IL1RAPL2: variants seen among roughly 807,000 people sequenced by gnomAD.
IL1RAPL2 encodes interleukin 1 receptor accessory protein like 2.
Under a neutral mutation model 44.1 loss-of-function variants are expected in IL1RAPL2, and 3 were observed. That is an observed-to-expected ratio of 0.07 (90% CI 0.03 to 0.18). IL1RAPL2 has a LOEUF of 0.18. Ranked by LOEUF, IL1RAPL2 falls within the 10% of genes least tolerant of loss-of-function variation. The pLI is 1.00. For synonymous variants in IL1RAPL2, 181 were observed against 178.8 expected, an observed-to-expected ratio of 1.01 and a Z score of -0.10; for missense variants, 391 against 496.4, an observed-to-expected ratio of 0.79 and a Z score of 2.02.
intron 2 of IL1RAPL2, among the ~76,000 whole-genome samples, chrX:104,970,241 A>C (rs2030207245): frequency 8.9e-6 from 1 of 112,176 alleles, no homozygotes; most frequent in Admixed American, 9.4e-5. Context: ...CTAAATAGTG[A>C]AAATAAATGA....
At position 105,155,546 on chromosome X, in the gene IL1RAPL2, T is replaced by G. The variant is rs769815410; in HGVS notation, c.83-39929T>G. 8.4e-4 allele frequency among the ~76,000 whole-genome samples: 93 copies of G among 110,695 alleles called. 1 individual carries two copies. The Middle Eastern group carries it at 0.033, about 39-fold the overall frequency. On this transcript the variant is annotated intron_variant, in intron 2 of 10. Transcript: ENST00000372582. ...ATCCTTGGATACCAGGCAAAGGAAT[T>G]TAAAATGTATCATGTAGAAAATGGG...
At chrX:104,667,064 G>T (rs920589930) in intron 2 of IL1RAPL2, among the ~76,000 whole-genome samples, 1 of 110,703 alleles carries the variant, frequency 9.0e-6, no homozygotes, top group African/African-American at 3.3e-5. Context: ...GAAGAGTCAG[G>T]CCCTGCCTCT....
At chrX:104,635,311 A>G (rs949164389) in intron 1 of IL1RAPL2, among the ~76,000 whole-genome samples, 16 of 109,710 alleles carry the variant, frequency 1.5e-4, no homozygotes, top group Non-Finnish European at 3.0e-4. Flanking sequence ...GAATCTGACA[A>G]TTTTGTGTCT....
chrX:105,605,445 G>A (rs768513274), intron 6 of IL1RAPL2, among the ~76,000 whole-genome samples: 11 of 111,337 alleles, frequency 9.9e-5, no homozygotes, highest in Admixed American at 2.9e-4. Flanking sequence ...GAATGAAATC[G>A]AAGAATACAC....
intron 6 of IL1RAPL2, among the ~76,000 whole-genome samples, chrX:105,714,066 C>T (rs1433603774): frequency 9.0e-6 from 1 of 111,357 alleles, no homozygotes; most frequent in Non-Finnish European, 1.9e-5. Context: ...TCCATAAGCC[C>T]TGGACACAGA....
chrX:105,427,431 A>G (rs1194024653), intron 5 of IL1RAPL2, among the ~76,000 whole-genome samples: 1 of 111,799 alleles, frequency 8.9e-6, no homozygotes, highest in Admixed American at 9.5e-5. Flanking sequence ...GAACTACCCC[A>G]TATATTTTAT....
At chrX:105,670,105 G>GTA (rs1171872748) in intron 6 of IL1RAPL2, among the ~76,000 whole-genome samples, 418 of 11,653 alleles carry the variant, frequency 0.036, 24 homozygotes, top group Admixed American at 0.053. Context: ...TGGGTTTCCT[G>GTA]TATATATATA....
intron 2 of IL1RAPL2, among the ~76,000 whole-genome samples, chrX:104,889,433 ACT>A (rs2147663871): frequency 9.0e-6 from 1 of 111,643 alleles, no homozygotes; most frequent in Admixed American, 9.5e-5. Context: ...AAAACAACAA[ACT>A]CACACACCTT....
chrX:105,082,419 C>A (rs1281017238), intron 2 of IL1RAPL2, among the ~76,000 whole-genome samples: 2 of 111,057 alleles, frequency 1.8e-5, no homozygotes, highest in Non-Finnish European at 3.8e-5. Context: ...TTTCAAAAAC[C>A]AGGTCCTGGG....
At chrX:105,594,208 C>T (rs190724998) in intron 6 of IL1RAPL2, among the ~76,000 whole-genome samples, 1 of 111,793 alleles carries the variant, frequency 8.9e-6, no homozygotes, top group East Asian at 2.8e-4. Context: ...TAATATTCAC[C>T]TTTATCTTTT....
At chrX:104,578,858 G>T (rs963736200) in intron 1 of IL1RAPL2, among the ~76,000 whole-genome samples, 1 of 111,198 alleles carries the variant, frequency 9.0e-6, no homozygotes, top group African/African-American at 3.3e-5. Context: ...AAAAGTTCAA[G>T]AAAGGAAATG....
intron 6 of IL1RAPL2, among the ~76,000 whole-genome samples, chrX:105,592,380 A>C (rs948550531): frequency 2.7e-5 from 3 of 111,301 alleles, no homozygotes; most frequent in African/African-American, 9.8e-5. Flanking sequence ...TTTTTATCCA[A>C]CTTGCCACTC....
intron 2 of IL1RAPL2, among the ~76,000 whole-genome samples, chrX:104,975,024 T>G (rs1437597975): frequency 8.9e-6 from 1 of 112,260 alleles, no homozygotes; most frequent in Non-Finnish European, 1.9e-5. Flanking sequence ...GATTAAAGCA[T>G]TTGCTAATAA....
At chrX:104,978,244 T>C (rs1438015107) in intron 2 of IL1RAPL2, among the ~76,000 whole-genome samples, 1 of 112,191 alleles carries the variant, frequency 8.9e-6, no homozygotes, top group Admixed American at 9.5e-5. Flanking sequence ...ATGATGAACA[T>C]CTAAATCAAA....
rs759662578 is a variant in IL1RAPL2 at position 104,610,007 on chromosome X, G to A, written c.-20+42956G>A. Among the ~76,000 whole-genome samples, 3 of 112,184 alleles carry A rather than the reference G, an allele frequency of 2.7e-5. No homozygotes were observed. In the Admixed American group the frequency reaches 2.8e-4, roughly 11 times the overall value. On this transcript the variant is annotated intron_variant, in intron 1 of 10. Coordinates refer to ENST00000372582, the MANE Select transcript of IL1RAPL2 (RefSeq NM_017416.2). ...GTGGATTTATCTACCTTTGGTGTTT[G>A]ATGTTGGTGACCTACGGATGGAGTT...
chrX:104,906,936 C>A (rs1231622254), intron 2 of IL1RAPL2, among the ~76,000 whole-genome samples: 1 of 111,518 alleles, frequency 9.0e-6, no homozygotes, highest in African/African-American at 3.3e-5. Context: ...TGGTCCTGGA[C>A]TCTTTTTGGT....
intron 6 of IL1RAPL2, among the ~76,000 whole-genome samples, chrX:105,716,167 T>C (rs1408274532): frequency 1.8e-5 from 2 of 111,307 alleles, no homozygotes; most frequent in African/African-American, 6.5e-5. Flanking sequence ...AAAAAAAAAC[T>C]GCATACCAAG....
Position 105,447,206 on chromosome X carries a change from TAA to T in IL1RAPL2, c.698-37105_698-37104del, listed in dbSNP as rs1279489560. ...AAATATAAATATATATAAATATATA[TAA>T]ATATATATAAAATATATATAAATAT... On this transcript the variant is annotated intron_variant, in intron 5 of 10. Transcript: ENST00000372582. Among the ~76,000 whole-genome samples the T allele has an allele frequency of 6.3e-4, 9 of 14,381 alleles. 1 individual carries two copies. In the African/African-American group the frequency reaches 9.7e-3, roughly 15 times the overall value. 12.5% of individuals were successfully genotyped at this position (14,381 alleles called of 115,157 possible). A position where few individuals can be genotyped will look rare whatever the true frequency, so the allele number is the denominator to read the frequency against.
intron 6 of IL1RAPL2, among the ~76,000 whole-genome samples, chrX:105,630,943 G>A (rs1189541244): frequency 9.0e-6 from 1 of 110,980 alleles, no homozygotes; most frequent in African/African-American, 3.3e-5. Flanking sequence ...CTAAATGGTT[G>A]CAAGTTCCCT....
Sources: gnomAD v4.1 joint callset for allele counts (sites outside exome capture counted in the v4.1 genomes callset) on GRCh38, gnomAD v4.1.1 for gene constraint, MANE v1.5 for transcripts, NCBI Gene and HGNC (gene_info 2026-07-23, HGNC 2026-07-21) for gene names.